NBEAL1: variants seen among roughly 807,000 people sequenced by gnomAD.
The protein encoded by NBEAL1 is neurobeachin-like protein 1.
In NBEAL1, 273 loss-of-function variants were observed where a neutral mutation model predicts 351.3. The observed-to-expected ratio is 0.78, with a 90% CI of 0.70 to 0.86. NBEAL1 has a LOEUF of 0.86. NBEAL1 is among the 40% of genes least tolerant of loss of function. NBEAL1 has a pLI of 0.00. For synonymous variants in NBEAL1, 1,050 were observed against 1,086.4 expected, an observed-to-expected ratio of 0.97 and a Z score of 0.66; for missense variants, 2,961 against 3,201.3, an observed-to-expected ratio of 0.92 and a Z score of 1.81.
chr2:203,081,358 GTTATGTGACT>G (rs975055702), intron 8 of NBEAL1, among the ~76,000 whole-genome samples: 1 of 152,112 alleles, frequency 6.6e-6, no homozygotes, highest in Non-Finnish European at 1.5e-5. Flanking sequence ...TCTCTAACTA[GTTATGTGACT>G]TTGGATATAC....
Position 203,219,517 on chromosome 2 carries a change from A to C in NBEAL1, c.*2163A>C, listed in dbSNP as rs1420113430. 1 of 151,974 alleles carries C rather than the reference A, an allele frequency of 6.6e-6. No individual in the cohort carries two copies. The highest frequency in any genetic ancestry group is 1.5e-5 in the Non-Finnish European group (1 of 68,026). 9.4% of individuals were successfully genotyped at this position (151,974 alleles called of 1,614,324 possible). A position where few individuals can be genotyped will look rare whatever the true frequency, so the allele number is the denominator to read the frequency against. Reference sequence around the variant, plus strand: ...TACCTGGACTAATACTAGATGTACAAGGTAGTGGAATTATTTCTTATATTG... The same window carrying C: ...TACCTGGACTAATACTAGATGTACACGGTAGTGGAATTATTTCTTATATTG... On this transcript the variant is annotated 3_prime_UTR_variant, in exon 56 of 56. Transcript: ENST00000683969.
rs747208638 is a variant in NBEAL1 at position 203,167,281 on chromosome 2, G to A, written c.5918G>A (p.Arg1973Gln). The A allele has an allele frequency of 1.2e-5, 20 of 1,611,890 alleles. No homozygotes were observed. The highest frequency in any genetic ancestry group is 1.6e-4 in the Middle Eastern group (1 of 6,076). ...PHSQIREIHL[R>Q]RYNLRRSALE... is the part of the protein sequence containing the mutation. ...TCTCAAATTCGAGAGATTCATCTCC[G>A]GCGTTACAATTTAAGAAGATCAGCC... The change falls in exon 38 of 56, where the codon CGG (arginine) becomes CAG (glutamine). Residue 1973 changes from arginine (R) to glutamine (Q), a missense_variant. By Grantham distance (43) the Arg-to-Gln change is conservative (BLOSUM62 1). Coordinates refer to ENST00000683969, the MANE Select transcript of NBEAL1 (RefSeq NM_001378026.1).
intron 28 of NBEAL1, 50 bp from the exon 29 acceptor site, chr2:203,136,549 T>C: frequency 7.4e-7 from 1 of 1,347,674 alleles, no homozygotes; most frequent in Non-Finnish European, 1.0e-6. Context: ...TGATGTGCTT[T>C]GAACAACTAC....
In NBEAL1 at chr2:203,122,303, G is replaced by C; in HGVS notation, c.2642G>C (p.Gly881Ala). The change falls in exon 19 of 56, where the codon GGA (glycine) becomes GCA (alanine). Residue 881 changes from glycine to alanine, a missense_variant. By Grantham distance (60) the Gly-to-Ala change is moderately conservative. Transcript: ENST00000683969. ...GATTTATCTACTAATTGTTTGCATG[G>C]AAGATTAACAGGAAACAAAGTAGTG... ...CLDLSTNCLHGRLTGNKVVNW... is the reference protein window; with the variant it reads ...CLDLSTNCLHARLTGNKVVNW... 1.9e-6 allele frequency: 3 copies of C among 1,544,922 alleles called. No homozygotes were observed. The highest frequency in any genetic ancestry group is 1.7e-6 in the Non-Finnish European group (2 of 1,144,696).
chr2:203,209,366 A>G (rs2065708172), intron 53 of NBEAL1, 44 bp downstream of exon 53: 7 of 1,404,852 alleles, frequency 5.0e-6, no homozygotes, highest in Non-Finnish European at 7.0e-6. Context: ...CCAATAGCAT[A>G]TCTTTCCCTC....
chr2:203,214,351 G>A (rs1049015564), intron 55 of NBEAL1, among the ~76,000 whole-genome samples: 4 of 152,140 alleles, frequency 2.6e-5, no homozygotes, highest in South Asian at 2.1e-4. Context: ...AGAAATTACC[G>A]TCACACAGTC....
At chr2:203,042,803 A>C (rs2061165325) in intron 3 of NBEAL1, among the ~76,000 whole-genome samples, 1 of 151,870 alleles carries the variant, frequency 6.6e-6, no homozygotes, top group Admixed American at 6.6e-5. Context: ...GGCCAGTATG[A>C]TCTCGATCTC....
chr2:203,025,160 TC>T (rs1197137467), intron 2 of NBEAL1, among the ~76,000 whole-genome samples: 2 of 152,184 alleles, frequency 1.3e-5, no homozygotes, highest in Non-Finnish European at 2.9e-5. Context: ...CATCTGTAAA[TC>T]CAGAGATCTG....
intron 51 of NBEAL1, 79 bp from the exon 52 acceptor site, chr2:203,208,558 G>A: frequency 1.1e-6 from 1 of 943,756 alleles, no homozygotes; most frequent in Non-Finnish European, 1.7e-6. Context: ...TGATTAGAAG[G>A]TTTAAATGCA....
intron 31 of NBEAL1, among the ~76,000 whole-genome samples, chr2:203,141,116 T>C (rs946277569): frequency 4.0e-5 from 6 of 151,794 alleles, no homozygotes; most frequent in Non-Finnish European, 7.4e-5. Flanking sequence ...TCATTAAATT[T>C]AGCCTAATGA....
chr2:203,023,196 C>A (rs2105996991), intron 2 of NBEAL1, among the ~76,000 whole-genome samples: 1 of 152,204 alleles, frequency 6.6e-6, no homozygotes, highest in South Asian at 2.1e-4. Context: ...GTAAGATGGA[C>A]CAATACATAT....
At chr2:203,020,541 T>C (rs1037734739) in intron 2 of NBEAL1, among the ~76,000 whole-genome samples, 7 of 151,868 alleles carry the variant, frequency 4.6e-5, no homozygotes, top group Admixed American at 6.6e-5. Flanking sequence ...CATGGTGGCA[T>C]GCACCTGTAA....
At position 203,172,810 on chromosome 2, in the gene NBEAL1, A is replaced by T; in HGVS notation, c.6280A>T (p.Ile2094Phe). 1 of 1,611,454 alleles carries T rather than the reference A, an allele frequency of 6.2e-7. No individual in the cohort carries two copies. Among genetic ancestry groups the T allele is most frequent in the Non-Finnish European group, 8.5e-7 (1 of 1,178,600 alleles). ...PAVFRDLSKPIGVVNEKNAKA... is the reference protein window; with the variant it reads ...PAVFRDLSKPFGVVNEKNAKA... Reference sequence around the variant, plus strand: ...TGTATTTCGAGATCTTTCCAAACCAATTGGGGTAGTTAATGAAAAAAACGC... The same window carrying T: ...TGTATTTCGAGATCTTTCCAAACCATTTGGGGTAGTTAATGAAAAAAACGC... Residue 2094 changes from isoleucine to phenylalanine, a missense_variant, in exon 41 of 56, where the codon ATT (isoleucine) becomes TTT (phenylalanine). Ile to Phe is a conservative substitution (Grantham distance 21). Transcript: ENST00000683969.
intron 24 of NBEAL1, 49 bp downstream of exon 24, chr2:203,127,986 C>G: frequency 7.5e-7 from 1 of 1,341,010 alleles, no homozygotes; most frequent in Non-Finnish European, 1.0e-6. Flanking sequence ...ATTTGAGTTG[C>G]TACATCATCT....
chr2:203,105,338 C>T (rs565583643), intron 12 of NBEAL1, among the ~76,000 whole-genome samples: 14 of 151,724 alleles, frequency 9.2e-5, no homozygotes, highest in East Asian at 2.0e-4. Flanking sequence ...TGGTGGCGGG[C>T]GCCTGTAGTC....
intron 50 of NBEAL1, 37 bp from the exon 51 acceptor site, chr2:203,202,650 C>T (rs763026138): frequency 4.1e-5 from 49 of 1,184,940 alleles, no homozygotes; most frequent in South Asian, 3.4e-4. Flanking sequence ...TTTAGCAAAA[C>T]GAGGCATCTC....
intron 39 of NBEAL1, among the ~76,000 whole-genome samples, chr2:203,170,108 C>A (rs962278773): frequency 6.6e-6 from 1 of 152,156 alleles, no homozygotes; most frequent in Non-Finnish European, 1.5e-5. Context: ...CAGTGGCTCA[C>A]GCCTGTAATC....
intron 28 of NBEAL1, 109 bp downstream of exon 28, chr2:203,136,361 G>A: frequency 1.1e-6 from 1 of 916,064 alleles, no homozygotes; most frequent in Non-Finnish European, 1.6e-6. Context: ...TTGTATTCAT[G>A]TTCTAAGTTT....
chr2:203,172,783 G>T lies in NBEAL1; in HGVS notation c.6253G>T (p.Ala2085Ser). ...GGAAGAGTTGGACCTTAATAACCCT[G>T]CTGTATTTCGAGATCTTTCCAAACC... ...TSEELDLNNP[A>S]VFRDLSKPIG... Residue 2085 changes from alanine (A) to serine (S), a missense_variant, in exon 41 of 56, where the codon GCT becomes TCT. Coordinates refer to ENST00000683969, the MANE Select transcript of NBEAL1 (RefSeq NM_001378026.1). 2 of 1,612,272 alleles carry T rather than the reference G, an allele frequency of 1.2e-6. No homozygotes were observed. Among genetic ancestry groups the T allele is most frequent in the African/African-American group, 2.7e-5 (2 of 74,940 alleles).
Sources: allele counts gnomAD v4.1 joint callset (sites outside exome capture counted in the v4.1 genomes callset), GRCh38; gene constraint gnomAD v4.1.1; transcripts MANE v1.5; gene names NCBI Gene and HGNC (gene_info 2026-07-23, HGNC 2026-07-21).